Variants in DACT1 observed in about 807,000 individuals in gnomAD.
DACT1 encodes the protein dishevelled binding antagonist of beta catenin 1.
DACT1 carries 19 observed loss-of-function variants against 35.3 expected under a neutral mutation model. The observed-to-expected ratio is 0.54, with a 90% CI of 0.38 to 0.79. The LOEUF (loss-of-function observed/expected upper bound fraction) is 0.79, where lower values mean the gene tolerates loss of function less well. DACT1 is among the 30% of genes least tolerant of loss of function. The pLI is 0.00. For synonymous variants in DACT1, 545 were observed against 466.7 expected (o/e 1.17, Z -2.16); for missense variants, 1,143 against 1,057.5 (o/e 1.08, Z -1.12).
chr14:58,646,253 G>C lies in DACT1; in HGVS notation c.1519G>C (p.Gly507Arg). ...ERPALDFKSE[G>R]SSQSLEEAHL... ...GCCTGCCTTGGATTTCAAGAGCGAG[G>C]GCTCTTCCCAAAGCCTGGAGGAAGC... The change falls in exon 4 of 4, where the codon GGC (glycine) becomes CGC (arginine). Residue 507 changes from glycine to arginine, a missense_variant. Transcript: ENST00000395153. 1 of 1,613,952 alleles carries C rather than the reference G, an allele frequency of 6.2e-7. No individual in the cohort carries two copies. Among genetic ancestry groups the C allele is most frequent in the Non-Finnish European group, 8.5e-7 (1 of 1,179,936 alleles).
chr14:58,642,471 G>GA (rs199540754), intron 3 of DACT1, among the ~76,000 whole-genome samples: 13,188 of 142,776 alleles, frequency 0.092, 872 homozygotes, highest in African/African-American at 0.19. Context: ...GCGGCAGAGA[G>GA]AAAAAAAAAA....
chr14:58,634,126 G>A (rs1029619594), upstream of DACT1: 1 of 152,202 alleles, frequency 6.6e-6, no homozygotes, highest in Non-Finnish European at 1.5e-5. Flanking sequence ...AAACTTCATG[G>A]AATCACCCTG....
At chr14:58,634,505 G>C (rs1190227810), upstream of DACT1, among the ~76,000 whole-genome samples, 2 of 152,324 alleles carry the variant, frequency 1.3e-5, no homozygotes, top group Non-Finnish European at 2.9e-5. Flanking sequence ...AATTCACTGT[G>C]GCTTTTTTGG....
rs1336749650 is a variant in DACT1 at position 58,646,069 on chromosome 14, A to G, written c.1335A>G (p.Ser445=). ...CCCCTAAGGAAAGCGCTCAGCTCTC[A>G]GGGGCCTCTCCAAAAGAGAGTCCTA... is the stretch of plus-strand genomic sequence containing the variant. ...GESPKESAQL[S]GASPKESPSR... Residue 445 remains serine, a synonymous_variant, in exon 4 of 4, where the codon TCA becomes TCG. Coordinates refer to ENST00000395153, the MANE Select transcript of DACT1 (RefSeq NM_001079520.2). The G allele has an allele frequency of 1.2e-6, 2 of 1,613,660 alleles. No individual in the cohort carries two copies. Among genetic ancestry groups the G allele is most frequent in the African/African-American group, 1.3e-5 (1 of 74,924 alleles).
At position 58,641,587 on chromosome 14, in the gene DACT1, T is replaced by C. The variant is rs1255001536; in HGVS notation, c.479-5T>C. ...TGTTAATTCCAACGGTGTTTTTATT[T>C]GTAGGGTTTTATGAGCTGAGTGATG... On this transcript the variant is annotated splice_region_variant and splice_polypyrimidine_tract_variant and intron_variant, in intron 2 of 3. Transcript: ENST00000395153. The C allele has an allele frequency of 6.2e-7, 1 of 1,609,722 alleles. No individual in the cohort carries two copies. The highest frequency in any genetic ancestry group is 8.5e-7 in the Non-Finnish European group (1 of 1,178,792).
At chr14:58,636,081 G>C (rs457976), upstream of DACT1, among the ~76,000 whole-genome samples, 14,718 of 152,184 alleles carry the variant, frequency 0.097, 989 homozygotes, top group African/African-American at 0.19. Context: ...AATCGATTTT[G>C]TATGCTTATG....
chr14:58,637,531 G>A (rs1310380476), upstream of DACT1, among the ~76,000 whole-genome samples: 1 of 152,244 alleles, frequency 6.6e-6, no homozygotes, highest in African/African-American at 2.4e-5. Context: ...TGGCCGTGTG[G>A]GGAAAGGGTT....
At position 58,645,842 on chromosome 14, in the gene DACT1, T is replaced by A. The variant is rs750619602; in HGVS notation, c.1108T>A (p.Ser370Thr). ...QACLPSGGIP[S>T]LNNGTFSPPK... is the part of the protein sequence containing the mutation. Reference sequence around the variant, plus strand: ...GTGTCTGCCCTCTGGCGGGATACCTTCTCTGAACAATGGGACATTCTCCCC... The same window carrying A: ...GTGTCTGCCCTCTGGCGGGATACCTACTCTGAACAATGGGACATTCTCCCC... The change falls in exon 4 of 4, where the codon TCT (serine) becomes ACT (threonine). Residue 370 changes from serine (S) to threonine (T), a missense_variant. By Grantham distance (58) the Ser-to-Thr change is moderately conservative. Coordinates refer to ENST00000395153, the MANE Select transcript of DACT1 (RefSeq NM_001079520.2). 1 of 1,614,128 alleles carries A rather than the reference T, an allele frequency of 6.2e-7. No individual in the cohort carries two copies. The highest frequency in any genetic ancestry group is 1.3e-5 in the African/African-American group (1 of 74,946).
In DACT1 at chr14:58,646,681, C is replaced by A. The variant is rs773983284; in HGVS notation, c.1947C>A (p.Ser649=). 2.8e-5 allele frequency: 45 copies of A among 1,612,834 alleles called. No individual in the cohort carries two copies. In the South Asian group the frequency reaches 4.5e-4, roughly 16 times the overall value. The change falls in exon 4 of 4, where the codon TCC becomes TCA. Residue 649 remains serine (S), a synonymous_variant. Coordinates refer to ENST00000395153, the MANE Select transcript of DACT1 (RefSeq NM_001079520.2). ...GGTGGAAGTCCTCGGCCGAGATTTCCTACGAAGAGGCCCTGAGGAGGGCCC... is the reference window on the plus strand; with the variant it reads ...GGTGGAAGTCCTCGGCCGAGATTTCATACGAAGAGGCCCTGAGGAGGGCCC... The part of the protein sequence containing the change: ...YRRWKSSAEI[S]YEEALRRARR...
At chr14:58,638,823 C>T (rs1053648413) in intron 1 of DACT1, 1 of 1,149,164 alleles carries the variant, frequency 8.7e-7, no homozygotes, top group Non-Finnish European at 1.1e-6. Context: ...CCTCCTCTGC[C>T]TTCGGGATTC....
Position 58,647,311 on chromosome 14 carries a change from G to A in DACT1, c.*177G>A, listed in dbSNP as rs1427778636. On this transcript the variant is annotated 3_prime_UTR_variant, in exon 4 of 4. Transcript: ENST00000395153. ...ACGTATGGATGCTAGTGCCTTTAAT[G>A]GAAGGTAAAGAATGTTTTGCTAGTT... is the stretch of plus-strand genomic sequence containing the variant. The A allele has an allele frequency of 1.1e-5, 8 of 723,508 alleles. No homozygotes were observed. Among genetic ancestry groups the A allele is most frequent in the Non-Finnish European group, 1.8e-5 (8 of 445,928 alleles). The allele number at this position is 723,508 out of a possible 1,614,324, so 44.8% of individuals were successfully genotyped here.
upstream of DACT1, among the ~76,000 whole-genome samples, chr14:58,634,569 C>G (rs1191322914): frequency 1.3e-5 from 2 of 152,160 alleles, no homozygotes; most frequent in Non-Finnish European, 2.9e-5. Context: ...CCCAGACCCT[C>G]GAATGGTGGT....
Position 58,638,071 on chromosome 14 carries a change from C to T in DACT1, c.-132C>T, listed in dbSNP as rs2047589650. ...GCGCGCAGGACTCGAGGGCTTCTAG[C>T]CACCGTCCCCGCCAGCGCCGCGCCC... is the stretch of plus-strand genomic sequence containing the variant. On this transcript the variant is annotated 5_prime_UTR_variant, in exon 1 of 4. Transcript: ENST00000395153. The T allele has an allele frequency of 2.0e-6, 2 of 1,000,496 alleles. No homozygotes were observed. Among genetic ancestry groups the T allele is most frequent in the South Asian group, 1.0e-4 (2 of 19,538 alleles). The allele number at this position is 1,000,496 out of a possible 1,614,324, so 62.0% of individuals were successfully genotyped here.
rs1483345295 is a variant in DACT1, at chr14:58,646,379, C to T, written c.1645C>T (p.His549Tyr). 5 of 1,603,152 alleles carry T rather than the reference C, an allele frequency of 3.1e-6. No homozygotes were observed. In the Admixed American group the frequency reaches 9.0e-5, roughly 29 times the overall value. Residue 549 changes from histidine to tyrosine, a missense_variant, in exon 4 of 4, where the codon CAC becomes TAC. This residue lies in a region of DACT1 where 1,054 missense variants were observed against 958.8 expected (regional missense o/e 1.10). Coordinates refer to ENST00000395153, the MANE Select transcript of DACT1 (RefSeq NM_001079520.2). Reference sequence around the variant, plus strand: ...CGTCGTGAAGAACTCCAGCCTGAAGCACCGCGGCCCAGCCCTCCAGGGGCT... The same window carrying T: ...CGTCGTGAAGAACTCCAGCCTGAAGTACCGCGGCCCAGCCCTCCAGGGGCT... ...MGVVKNSSLK[H>Y]RGPALQGLEN...
In DACT1 at chr14:58,646,902, G is replaced by C; in HGVS notation, c.2168G>C (p.Ser723Thr). ...TTNCFGDSES[S>T]VSEGEFVGES... ...AACTGCTTCGGGGACAGCGAGTCGAGTGTGAGCGAGGGCGAGTTCGTGGGG... is the reference window on the plus strand; with the variant it reads ...AACTGCTTCGGGGACAGCGAGTCGACTGTGAGCGAGGGCGAGTTCGTGGGG... The change falls in exon 4 of 4, where the codon AGT becomes ACT. Residue 723 changes from serine to threonine, a missense_variant. Around this residue, in one of 3 missense-constraint regions of DACT1, gnomAD observed 1,054 missense variants for 958.8 expected, o/e 1.10. Transcript: ENST00000395153. 1.2e-6 allele frequency: 2 copies of C among 1,614,190 alleles called. No homozygotes were observed. The highest frequency in any genetic ancestry group is 1.3e-5 in the African/African-American group (1 of 75,040).
At chr14:58,644,294 TA>T (rs2047653145) in intron 3 of DACT1, among the ~76,000 whole-genome samples, 1 of 152,308 alleles carries the variant, frequency 6.6e-6, no homozygotes, top group Non-Finnish European at 1.5e-5. Flanking sequence ...TTTATCCTAT[TA>T]AAAAAACATT....
rs141866628 is a variant in DACT1, at chr14:58,640,805, C to T, written c.415C>T (p.Leu139=). The part of the protein sequence containing the change: ...LQELDKQISD[L]RLDVEKTSEE... ...AGAGCTTGACAAGCAGATAAGTGAC[C>T]TGAGACTGGATGTAGAAAAGACATC... Residue 139 remains leucine, a synonymous_variant, in exon 2 of 4, where the codon CTG becomes TTG. Coordinates refer to ENST00000395153, the MANE Select transcript of DACT1 (RefSeq NM_001079520.2). The T allele has an allele frequency of 2.6e-5, 42 of 1,614,090 alleles. No homozygotes were observed. The East Asian group carries it at 9.4e-4, about 36-fold the overall frequency.
At chr14:58,637,580 T>C (rs577222377), upstream of DACT1, among the ~76,000 whole-genome samples, 1 of 152,242 alleles carries the variant, frequency 6.6e-6, no homozygotes, top group African/African-American at 2.4e-5. Flanking sequence ...CAGAAAGTTC[T>C]CCGGAGAGCC....
rs757154940 is a variant in DACT1, at chr14:58,647,057, A to G, written c.2323A>G (p.Ile775Val). Residue 775 changes from isoleucine to valine, a missense_variant, in exon 4 of 4, where the codon ATT (isoleucine) becomes GTT (valine). By Grantham distance (29) the Ile-to-Val change is conservative. Coordinates refer to ENST00000395153, the MANE Select transcript of DACT1 (RefSeq NM_001079520.2). Reference protein sequence around the residue: ...HNHPAKTFVKIKASHNLKKKI... With the variant: ...HNHPAKTFVKVKASHNLKKKI... ...CCACCCCGCAAAAACCTTTGTCAAA[A>G]TTAAGGCCTCACATAACCTCAAGAA... 1.7e-5 allele frequency: 28 copies of G among 1,614,044 alleles called. No homozygotes were observed. The East Asian group carries it at 6.2e-4, about 36-fold the overall frequency.
Sources: gnomAD v4.1 joint callset for allele counts (sites outside exome capture counted in the v4.1 genomes callset) on GRCh38, gnomAD v4.1.1 for gene constraint, gnomAD v4.1.1 regional missense constraint, MANE v1.5 for transcripts, NCBI Gene and HGNC (gene_info 2026-07-23, HGNC 2026-07-21) for gene names.